The following KRTAP12-2 variants were observed in gnomAD, a reference collection of about 807,000 sequenced individuals.
KRTAP12-2 encodes keratin-associated protein 12-2.
For synonymous variants in KRTAP12-2, 73 were observed against 83.9 expected (o/e 0.87, Z 0.71); for missense variants, 166 against 184.2 (o/e 0.90, Z 0.57).
At position 44,666,769 on chromosome 21, in the gene KRTAP12-2, A is replaced by G; in HGVS notation, c.118T>C (p.Cys40Arg). 4 of 1,612,308 alleles carry G rather than the reference A, an allele frequency of 2.5e-6. No individual in the cohort carries two copies. The South Asian group carries it at 4.4e-5, about 18-fold the overall frequency. ...CQASCCVPVG[C>R]QSSVCVPVSF... ...ACGGGCACACACACGGAGGACTGGC[A>G]GCCCACAGGCACACAGCAGGATGCC... The change falls in exon 1 of 1, where the codon TGC becomes CGC. Residue 40 changes from cysteine (C) to arginine (R), a missense_variant. Cys to Arg is a radical substitution (Grantham distance 180). Coordinates refer to ENST00000360770, the MANE Select transcript of KRTAP12-2 (RefSeq NM_181684.3).
rs369113881 is a variant in KRTAP12-2 at position 44,666,661 on chromosome 21, C to G, written c.226G>C (p.Val76Leu). The change falls in exon 1 of 1, where the codon GTG (valine) becomes CTG (leucine). Residue 76 changes from valine to leucine, a missense_variant. Transcript: ENST00000360770. ...VPMSFKSAVC[V>L]PVSCQSSVCV... ...ACAGAAGACTGGCAGCTCACGGGCA[C>G]GCACACAGCTGACTTGAAGCTCATG... The G allele has an allele frequency of 2.0e-5, 32 of 1,612,838 alleles. No homozygotes were observed. Among genetic ancestry groups the G allele is most frequent in the South Asian group, 1.3e-4 (12 of 91,028 alleles).
In KRTAP12-2 at chr21:44,666,656, G is replaced by A. The variant is rs782290238; in HGVS notation, c.231C>T (p.Pro77=). The part of the protein sequence containing the change: ...PMSFKSAVCV[P]VSCQSSVCVP... The stretch of plus-strand genomic sequence containing the variant: ...CACACACAGAAGACTGGCAGCTCAC[G>A]GGCACGCACACAGCTGACTTGAAGC... The change falls in exon 1 of 1, where the codon CCC becomes CCT. Residue 77 remains proline, a synonymous_variant. Coordinates refer to ENST00000360770, the MANE Select transcript of KRTAP12-2 (RefSeq NM_181684.3). 69 of 1,612,834 alleles carry A rather than the reference G, an allele frequency of 4.3e-5. No homozygotes were observed. Among genetic ancestry groups the A allele is most frequent in the South Asian group, 5.5e-5 (5 of 91,036 alleles).
At position 44,666,226 on chromosome 21, in the gene KRTAP12-2, T is replaced by C. The variant is rs1335203447; in HGVS notation, c.*220A>G. On this transcript the variant is annotated 3_prime_UTR_variant, in exon 1 of 1. Transcript: ENST00000360770. The stretch of plus-strand genomic sequence containing the variant: ...GCTGGTTTATTTGGCTCTCATGGGG[T>C]CAGAGAATGACTCTGGGACCCCAGA... 9.2e-6 allele frequency: 5 copies of C among 544,212 alleles called. No individual in the cohort carries two copies. The highest frequency in any genetic ancestry group is 1.6e-5 in the Non-Finnish European group (5 of 312,126). 33.7% of individuals were successfully genotyped at this position (544,212 alleles called of 1,614,324 possible).
rs782718230 is a variant in KRTAP12-2, at chr21:44,666,839, C to T, written c.48G>A (p.Ala16=). The T allele has an allele frequency of 1.4e-5, 22 of 1,609,242 alleles. No individual in the cohort carries two copies. The East Asian group carries it at 2.5e-4, about 18-fold the overall frequency. The change falls in exon 1 of 1, where the codon GCG becomes GCA. Residue 16 remains alanine (A), a synonymous_variant. Transcript: ENST00000360770. ...AACAGGCTGGCTGGCAGGGGCTGGG[C>T]GCGCAGCAGGCTGGCTGGCAGCCCG... ...CSSGCQPACC[A]PSPCQPACCV...
chr21:44,666,205 G>A lies in KRTAP12-2; in HGVS notation c.*241C>T, dbSNP rs1555944637. ...ATGCAGAGCTGCATGGGGAAAGCTGGTTTATTTGGCTCTCATGGGGTCAGA... is the reference window on the plus strand; with the variant it reads ...ATGCAGAGCTGCATGGGGAAAGCTGATTTATTTGGCTCTCATGGGGTCAGA... On this transcript the variant is annotated 3_prime_UTR_variant, in exon 1 of 1. Transcript: ENST00000360770. 1.2e-5 allele frequency: 6 copies of A among 507,956 alleles called. No individual in the cohort carries two copies. The South Asian group carries it at 2.1e-4, about 18-fold the overall frequency. The allele number at this position is 507,956 out of a possible 1,614,324, so 31.5% of individuals were successfully genotyped here.
rs55914221 is a variant in KRTAP12-2 at position 44,666,910 on chromosome 21, C to T, written c.-24G>A. 1.1e-4 allele frequency: 179 copies of T among 1,606,374 alleles called. No homozygotes were observed. The highest frequency in any genetic ancestry group is 1.3e-4 in the Non-Finnish European group (151 of 1,175,418). On this transcript the variant is annotated 5_prime_UTR_variant, in exon 1 of 1. Transcript: ENST00000360770. ...ATGGTGGCGTGTGGCTGGATAAGGT[C>T]GAGGCAGAGGGCAGTGATGTCTGGG...
chr21:44,666,761 G>T lies in KRTAP12-2; in HGVS notation c.126C>A (p.Ser42=), dbSNP rs1555944878. The stretch of plus-strand genomic sequence containing the variant: ...TGAAGCTCACGGGCACACACACGGA[G>T]GACTGGCAGCCCACAGGCACACAGC... ...ASCCVPVGCQ[S]SVCVPVSFKP... The change falls in exon 1 of 1, where the codon TCC becomes TCA. Residue 42 remains serine, a synonymous_variant. Coordinates refer to ENST00000360770, the MANE Select transcript of KRTAP12-2 (RefSeq NM_181684.3). 6.2e-7 allele frequency: 1 copy of T among 1,613,400 alleles called. No homozygotes were observed. Among genetic ancestry groups the T allele is most frequent in the African/African-American group, 1.3e-5 (1 of 74,812 alleles).
Position 44,666,827 on chromosome 21 carries a change from G to A in KRTAP12-2, c.60C>T (p.Cys20=). 6.2e-7 allele frequency: 1 copy of A among 1,609,316 alleles called. No homozygotes were observed. The highest frequency in any genetic ancestry group is 1.3e-5 in the African/African-American group (1 of 74,916). ...CQPACCAPSP[C]QPACCVPSSC... ...AGCTGGGCACACAACAGGCTGGCTGGCAGGGGCTGGGCGCGCAGCAGGCTG... is the reference window on the plus strand; with the variant it reads ...AGCTGGGCACACAACAGGCTGGCTGACAGGGGCTGGGCGCGCAGCAGGCTG... The change falls in exon 1 of 1, where the codon TGC becomes TGT. Residue 20 remains cysteine, a synonymous_variant. Transcript: ENST00000360770.
Position 44,666,789 on chromosome 21 carries a change from G to T in KRTAP12-2, c.98C>A (p.Ser33Tyr). 6.2e-7 allele frequency: 1 copy of T among 1,612,148 alleles called. No homozygotes were observed. The highest frequency in any genetic ancestry group is 8.5e-7 in the Non-Finnish European group (1 of 1,178,666). The change falls in exon 1 of 1, where the codon TCC becomes TAC. Residue 33 changes from serine to tyrosine, a missense_variant. Ser to Tyr is a moderately radical substitution (Grantham distance 144). Transcript: ENST00000360770. ...CTGGCAGCCCACAGGCACACAGCAGGATGCCTGGCAGGAGCTGGGCACACA... is the reference window on the plus strand; with the variant it reads ...CTGGCAGCCCACAGGCACACAGCAGTATGCCTGGCAGGAGCTGGGCACACA... ...ACCVPSSCQA[S>Y]CCVPVGCQSS... is the part of the protein sequence containing the mutation.
Position 44,666,533 on chromosome 21 carries a change from C to G in KRTAP12-2, c.354G>C (p.Pro118=). The G allele has an allele frequency of 6.2e-7, 1 of 1,612,810 alleles. No homozygotes were observed. ...VSCRPVVYAA[P]SCQSSGCCQP... ...GGCAGCACCCAGAGGACTGGCAGGACGGAGCCGCATACACGACAGGCCTGC... is the reference window on the plus strand; with the variant it reads ...GGCAGCACCCAGAGGACTGGCAGGAGGGAGCCGCATACACGACAGGCCTGC... Residue 118 remains proline (P), a synonymous_variant, in exon 1 of 1, where the codon CCG becomes CCC. Coordinates refer to ENST00000360770, the MANE Select transcript of KRTAP12-2 (RefSeq NM_181684.3).
chr21:44,666,250 GAC>G lies in KRTAP12-2; in HGVS notation c.*194_*195del. On this transcript the variant is annotated 3_prime_UTR_variant, in exon 1 of 1. Transcript: ENST00000360770. The stretch of plus-strand genomic sequence containing the variant: ...GTCAGAGAATGACTCTGGGACCCCA[GAC>G]TTCCCTGGGGGGATGGGCAAGGTCA... The G allele has an allele frequency of 3.1e-6, 2 of 653,508 alleles. No individual in the cohort carries two copies. Among genetic ancestry groups the G allele is most frequent in the Middle Eastern group, 4.3e-4 (1 of 2,344 alleles). 40.5% of individuals were successfully genotyped at this position (653,508 alleles called of 1,614,324 possible). A position where few individuals can be genotyped will look rare whatever the true frequency, so the allele number is the denominator to read the frequency against.
Position 44,666,247 on chromosome 21 carries a change from C to T in KRTAP12-2, c.*199G>A, listed in dbSNP as rs782755190. The T allele has an allele frequency of 2.8e-4, 181 of 638,994 alleles. No homozygotes were observed. The highest frequency in any genetic ancestry group is 4.4e-4 in the Non-Finnish European group (171 of 385,588). 39.6% of individuals were successfully genotyped at this position (638,994 alleles called of 1,614,324 possible). ...GGGGTCAGAGAATGACTCTGGGACC[C>T]CAGACTTCCCTGGGGGGATGGGCAA... On this transcript the variant is annotated 3_prime_UTR_variant, in exon 1 of 1. Transcript: ENST00000360770.
Position 44,666,699 on chromosome 21 carries a change from G to C in KRTAP12-2, c.188C>G (p.Ser63Cys). The change falls in exon 1 of 1, where the codon TCT (serine) becomes TGT (cysteine). Residue 63 changes from serine (S) to cysteine (C), a missense_variant. By Grantham distance (112) the Ser-to-Cys change is moderately radical. Coordinates refer to ENST00000360770, the MANE Select transcript of KRTAP12-2 (RefSeq NM_181684.3). ...AVCLPVSCQS[S>C]VCVPMSFKSA... ...CTTGAAGCTCATGGGCACACACACA[G>C]AAGACTGGCAGCTCACGGGCAGGCA... 6.2e-7 allele frequency: 1 copy of C among 1,613,940 alleles called. No homozygotes were observed. Among genetic ancestry groups the C allele is most frequent in the Non-Finnish European group, 8.5e-7 (1 of 1,179,894 alleles).
chr21:44,666,783 C>G lies in KRTAP12-2; in HGVS notation c.104G>C (p.Cys35Ser). 6.2e-7 allele frequency: 1 copy of G among 1,612,198 alleles called. No individual in the cohort carries two copies. Among genetic ancestry groups the G allele is most frequent in the Non-Finnish European group, 8.5e-7 (1 of 1,178,694 alleles). ...CVPSSCQASC[C>S]VPVGCQSSVC... ...GGAGGACTGGCAGCCCACAGGCACA[C>G]AGCAGGATGCCTGGCAGGAGCTGGG... Residue 35 changes from cysteine (C) to serine (S), a missense_variant, in exon 1 of 1, where the codon TGT becomes TCT. Transcript: ENST00000360770.
rs587622212 is a variant in KRTAP12-2 at position 44,666,204 on chromosome 21, G to A, written c.*242C>T. ...AATGCAGAGCTGCATGGGGAAAGCT[G>A]GTTTATTTGGCTCTCATGGGGTCAG... is the stretch of plus-strand genomic sequence containing the variant. On this transcript the variant is annotated 3_prime_UTR_variant, in exon 1 of 1. Transcript: ENST00000360770. The A allele has an allele frequency of 2.0e-6, 1 of 507,140 alleles. No homozygotes were observed. Among genetic ancestry groups the A allele is most frequent in the Admixed American group, 3.6e-5 (1 of 27,652 alleles). The allele number at this position is 507,140 out of a possible 1,614,324, so 31.4% of individuals were successfully genotyped here.
chr21:44,666,861 C>T lies in KRTAP12-2; in HGVS notation c.26G>A (p.Gly9Asp), dbSNP rs782510388. 15 of 1,613,568 alleles carry T rather than the reference C, an allele frequency of 9.3e-6. No homozygotes were observed. Among genetic ancestry groups the T allele is most frequent in the Admixed American group, 1.7e-5 (1 of 59,970 alleles). Residue 9 changes from glycine (G) to aspartate (D), a missense_variant, in exon 1 of 1, where the codon GGC becomes GAC. By Grantham distance (94) the Gly-to-Asp change is moderately conservative. Coordinates refer to ENST00000360770, the MANE Select transcript of KRTAP12-2 (RefSeq NM_181684.3). ...GGGCGCGCAGCAGGCTGGCTGGCAGCCCGAGGAGCAGCTGGTATGACACAT... is the reference window on the plus strand; with the variant it reads ...GGGCGCGCAGCAGGCTGGCTGGCAGTCCGAGGAGCAGCTGGTATGACACAT... MCHTSCSSGCQPACCAPSP... is the reference protein window; with the variant it reads MCHTSCSSDCQPACCAPSP...
In KRTAP12-2 at chr21:44,666,596, G is replaced by T. The variant is rs781856237; in HGVS notation, c.291C>A (p.Ala97=). Residue 97 remains alanine (A), a synonymous_variant, in exon 1 of 1, where the codon GCC becomes GCA. Transcript: ENST00000360770. ...PVSCRPIVCA[A]PSCQSSLCVP... ...CGCACAGGGAGGACTGGCAGGAGGGGGCTGCACACACAATGGGCCTGCAGC... is the reference window on the plus strand; with the variant it reads ...CGCACAGGGAGGACTGGCAGGAGGGTGCTGCACACACAATGGGCCTGCAGC... 6.2e-7 allele frequency: 1 copy of T among 1,613,006 alleles called. No individual in the cohort carries two copies. The highest frequency in any genetic ancestry group is 8.5e-7 in the Non-Finnish European group (1 of 1,179,288).
Position 44,666,751 on chromosome 21 carries a change from C to T in KRTAP12-2, c.136G>A (p.Val46Met), listed in dbSNP as rs1555944872. 6.2e-7 allele frequency: 1 copy of T among 1,614,126 alleles called. No individual in the cohort carries two copies. Among genetic ancestry groups the T allele is most frequent in the Non-Finnish European group, 8.5e-7 (1 of 1,180,002 alleles). Reference sequence around the variant, plus strand: ...ACGGCTGGCTTGAAGCTCACGGGCACACACACGGAGGACTGGCAGCCCACA... The same window carrying T: ...ACGGCTGGCTTGAAGCTCACGGGCATACACACGGAGGACTGGCAGCCCACA... The part of the protein sequence containing the change: ...VPVGCQSSVC[V>M]PVSFKPAVCL... The change falls in exon 1 of 1, where the codon GTG becomes ATG. Residue 46 changes from valine (V) to methionine (M), a missense_variant. Transcript: ENST00000360770.
In KRTAP12-2 at chr21:44,666,393, T is replaced by C; in HGVS notation, c.*53A>G. ...ACCAACTGAGGACTCATCCAGGGAGTGTACAGGTGTGGCCTCATCTGCACT... is the reference window on the plus strand; with the variant it reads ...ACCAACTGAGGACTCATCCAGGGAGCGTACAGGTGTGGCCTCATCTGCACT... On this transcript the variant is annotated 3_prime_UTR_variant, in exon 1 of 1. Transcript: ENST00000360770. 1.3e-6 allele frequency: 2 copies of C among 1,522,892 alleles called. No homozygotes were observed. Among genetic ancestry groups the C allele is most frequent in the Non-Finnish European group, 1.8e-6 (2 of 1,131,262 alleles). The allele number at this position is 1,522,892 out of a possible 1,614,324, so 94.3% of individuals were successfully genotyped here.
Sources: gnomAD v4.1 joint callset for allele counts on GRCh38, gnomAD v4.1.1 for gene constraint, MANE v1.5 for transcripts, NCBI Gene and HGNC (gene_info 2026-07-23, HGNC 2026-07-21) for gene names.